Variants in PDE11A observed in about 807,000 individuals in gnomAD.
The protein encoded by PDE11A is phosphodiesterase 11A, also known as dual 3',5'-cyclic-AMP and -GMP phosphodiesterase 11A.
In PDE11A, 100 loss-of-function variants were observed where a neutral mutation model predicts 100.5. The observed-to-expected ratio is 1.00, with a 90% CI of 0.85 to 1.18. The LOEUF (loss-of-function observed/expected upper bound fraction) is 1.18. PDE11A is among the 50% of genes most tolerant of loss of function. The probability of loss-of-function intolerance (pLI) is 0.00; values close to 1 mark genes in which losing one functional copy is unlikely to be tolerated. For missense variants in PDE11A, 1,141 were observed against 1,152.6 expected, an observed-to-expected ratio of 0.99 and a Z score of 0.15; for synonymous variants, 381 against 420.8, an observed-to-expected ratio of 0.91 and a Z score of 1.16.
intron 1 of PDE11A, chr2:178,104,559 T>C: frequency 8.3e-7 from 1 of 1,202,850 alleles, no homozygotes; most frequent in Non-Finnish European, 1.2e-6. Context: ...AATTCCATCA[T>C]TTTGACTGAA....
In PDE11A at chr2:177,849,311, G is replaced by C. The variant is rs368230346; in HGVS notation, c.1368-8928C>G. On this transcript the variant is annotated intron_variant, in intron 5 of 19. Coordinates refer to ENST00000286063, the MANE Select transcript of PDE11A (RefSeq NM_016953.4). ...GATAAATGGCCTAATGGAAGGATGT[G>C]GAAGGATGTTGGTCTAAGCTGGTCT... Among the ~76,000 whole-genome samples the C allele has an allele frequency of 8.5e-5, 13 of 152,256 alleles. No homozygotes were observed. The East Asian group carries it at 2.3e-3, about 27-fold the overall frequency.
chr2:178,005,110 C>G lies in PDE11A; in HGVS notation c.1071+9192G>C, dbSNP rs186456006. The stretch of plus-strand genomic sequence containing the variant: ...AATGAACTCAGTAACTGAGTTGAGT[C>G]CCCTTTACTCCAGGTGTTCACAGTT... On this transcript the variant is annotated intron_variant, in intron 2 of 19. Transcript: ENST00000286063. Among the ~76,000 whole-genome samples, 241 of 150,078 alleles carry G rather than the reference C, an allele frequency of 1.6e-3. 1 individual carries two copies. Among genetic ancestry groups the G allele is most frequent in the African/African-American group, 5.5e-3 (222 of 40,512 alleles).
intron 19 of PDE11A, among the ~76,000 whole-genome samples, chr2:177,630,484 C>T (rs1285663151): frequency 6.6e-6 from 1 of 152,048 alleles, no homozygotes; most frequent in Non-Finnish European, 1.5e-5. Context: ...TAGGGGGTAA[C>T]ATGGGGGCAG....
In PDE11A at chr2:177,945,035, C is replaced by A. The variant is rs919461832; in HGVS notation, c.1072-39848G>T. ...CGGGGTTTCGCTGTGTTGGCCCGGC[C>A]GGTCTCCAGCCCCTAACCGCGAGTG... On this transcript the variant is annotated intron_variant, in intron 2 of 19. Transcript: ENST00000286063. Among the ~76,000 whole-genome samples the A allele has an allele frequency of 9.7e-4, 144 of 148,684 alleles. 3 individuals are homozygous for A. Among genetic ancestry groups the A allele is most frequent in the Non-Finnish European group, 5.1e-4 (34 of 66,314 alleles).
chr2:177,920,114 G>A (rs1183783927), intron 2 of PDE11A, among the ~76,000 whole-genome samples: 1 of 151,994 alleles, frequency 6.6e-6, no homozygotes, highest in African/African-American at 2.4e-5. Flanking sequence ...AACTATAAAA[G>A]CCATAGGGGA....
chr2:177,639,746 G>A (rs760930439), intron 19 of PDE11A, among the ~76,000 whole-genome samples: 2 of 152,140 alleles, frequency 1.3e-5, no homozygotes, highest in African/African-American at 2.4e-5. Flanking sequence ...GTGCTTATTA[G>A]TTGACCACAG....
chr2:178,069,868 G>T (rs1265566895), intron 1 of PDE11A, among the ~76,000 whole-genome samples: 1 of 152,120 alleles, frequency 6.6e-6, no homozygotes, highest in Admixed American at 6.5e-5. Flanking sequence ...ATAGAAATGG[G>T]AGAAAATCAA....
chr2:178,015,529 T>C (rs1029311129), intron 1 of PDE11A, among the ~76,000 whole-genome samples: 9 of 152,160 alleles, frequency 5.9e-5, no homozygotes, highest in African/African-American at 2.2e-4. Context: ...TGTGATCCTT[T>C]ACTAGAAATT....
chr2:177,967,018 T>C (rs2085706734), intron 2 of PDE11A, among the ~76,000 whole-genome samples: 1 of 152,074 alleles, frequency 6.6e-6, no homozygotes, highest in East Asian at 1.9e-4. Context: ...TTATTACTGG[T>C]TCAATTTTGG....
intron 2 of PDE11A, among the ~76,000 whole-genome samples, chr2:178,007,836 C>G (rs1395922408): frequency 2.6e-5 from 4 of 152,218 alleles, no homozygotes; most frequent in Admixed American, 6.5e-5. Context: ...TCCCAAGTAG[C>G]TGGGATTACA....
chr2:177,810,169 C>G (rs1397179696), intron 9 of PDE11A, among the ~76,000 whole-genome samples: 2 of 152,180 alleles, frequency 1.3e-5, no homozygotes, highest in Non-Finnish European at 2.9e-5. Context: ...AGCAAGACTG[C>G]CACTAAGAGT....
At chr2:178,020,927 GTGTGTGTGT>G (rs2086402109) in intron 1 of PDE11A, among the ~76,000 whole-genome samples, 6 of 19,290 alleles carry the variant, frequency 3.1e-4, no homozygotes, top group African/African-American at 2.1e-3. Flanking sequence ...TTGTCTTGGT[GTGTGTGTGT>G]GTGTGTGTGT....
chr2:177,908,661 C>T (rs75277204), intron 2 of PDE11A, among the ~76,000 whole-genome samples: 2,837 of 152,226 alleles, frequency 0.019, 52 homozygotes, highest in South Asian at 0.046. Context: ...CTGTGGTGTG[C>T]GTCCAGCTAT....
At chr2:177,748,315 TTG>T (rs2081981822) in intron 10 of PDE11A, among the ~76,000 whole-genome samples, 1 of 152,198 alleles carries the variant, frequency 6.6e-6, no homozygotes, top group Non-Finnish European at 1.5e-5. Context: ...AGTCCATTTT[TTG>T]GACTCATACA....
intron 2 of PDE11A, among the ~76,000 whole-genome samples, chr2:178,011,292 C>T (rs538172484): frequency 4.6e-5 from 7 of 152,190 alleles, no homozygotes; most frequent in African/African-American, 1.7e-4. Context: ...GGTCATTGAC[C>T]AAATCCTGGC....
intron 2 of PDE11A, among the ~76,000 whole-genome samples, chr2:177,913,206 T>G (rs1483527188): frequency 6.6e-6 from 1 of 152,178 alleles, no homozygotes; most frequent in African/African-American, 2.4e-5. Context: ...ACGTTGGACA[T>G]TTAGGTTGCT....
chr2:177,929,965 G>A (rs1286127589), intron 2 of PDE11A, among the ~76,000 whole-genome samples: 1 of 152,164 alleles, frequency 6.6e-6, no homozygotes, highest in Non-Finnish European at 1.5e-5. Flanking sequence ...TACACTCCCT[G>A]CCAAGTAACG....
intron 9 of PDE11A, among the ~76,000 whole-genome samples, chr2:177,808,307 G>A (rs2082902775): frequency 1.3e-5 from 2 of 152,306 alleles, no homozygotes; most frequent in Middle Eastern, 6.8e-3. Flanking sequence ...GAATCAACAT[G>A]AGTAGATAGT....
At chr2:177,692,202 T>C (rs2081049969) in intron 15 of PDE11A, among the ~76,000 whole-genome samples, 1 of 152,232 alleles carries the variant, frequency 6.6e-6, no homozygotes, top group African/African-American at 2.4e-5. Context: ...TATTAGTTGT[T>C]GTTTTTATTA....
Sources: allele counts gnomAD v4.1 joint callset (sites outside exome capture counted in the v4.1 genomes callset), GRCh38; gene constraint gnomAD v4.1.1; transcripts MANE v1.5; gene names NCBI Gene and HGNC (gene_info 2026-07-23, HGNC 2026-07-21).